RUNX1: variants seen among roughly 807,000 people sequenced by gnomAD.
RUNX1 encodes RUNX family transcription factor 1.
Under a neutral mutation model 42.8 loss-of-function variants are expected in RUNX1, and 19 were observed. The observed-to-expected ratio is 0.44, with a 90% confidence interval of 0.31 to 0.65. RUNX1 has a LOEUF of 0.65. Ranked by LOEUF, RUNX1 falls within the 30% of genes least tolerant of loss-of-function variation. RUNX1 has a pLI of 0.07. For synonymous variants in RUNX1, 271 were observed against 289.4 expected (o/e 0.94, Z 0.64); for missense variants, 528 against 672.0 (o/e 0.79, Z 2.37).
intron 4 of RUNX1, among the ~76,000 whole-genome samples, chr21:34,882,649 G>A (rs931544165): frequency 9.9e-5 from 15 of 151,082 alleles, no homozygotes; most frequent in African/African-American, 3.6e-4. Flanking sequence ...AAGATATCAC[G>A]GAAATAAATC....
chr21:34,922,335 C>T (rs2058360403), intron 2 of RUNX1, among the ~76,000 whole-genome samples: 1 of 152,108 alleles, frequency 6.6e-6, no homozygotes, highest in South Asian at 2.1e-4. Context: ...CATCCCTGGG[C>T]TAGGAACTTG....
At chr21:34,860,314 T>C (rs1265247477) in intron 5 of RUNX1, among the ~76,000 whole-genome samples, 4 of 152,244 alleles carry the variant, frequency 2.6e-5, no homozygotes, top group Admixed American at 6.5e-5. Context: ...TCTAAAAACA[T>C]TTCTTGTTGG....
rs1376894886 is a variant in RUNX1, at chr21:34,799,440, G to T, written c.828C>A (p.Ser276=). The T allele has an allele frequency of 1.9e-6, 3 of 1,614,096 alleles. No homozygotes were observed. The Admixed American group carries it at 5.0e-5, about 27-fold the overall frequency. Residue 276 remains serine (S), a synonymous_variant, in exon 8 of 9, where the codon TCC becomes TCA. Transcript: ENST00000675419. ...QMQDTRQIQP[S]PPWSYDQSYQ... ...AGGACTGATCGTAGGACCACGGTGG[G>T]GATGGTTGGATCTGCCTTGTATCTG...
intron 2 of RUNX1, among the ~76,000 whole-genome samples, chr21:35,034,456 C>T (rs1011495385): frequency 7.2e-5 from 11 of 152,172 alleles, no homozygotes; most frequent in South Asian, 6.2e-4. Flanking sequence ...GGGTCAAACC[C>T]GCCACATCAT....
intron 5 of RUNX1, among the ~76,000 whole-genome samples, chr21:34,867,398 C>G (rs1227231580): frequency 6.6e-6 from 1 of 152,168 alleles, no homozygotes; most frequent in African/African-American, 2.4e-5. Context: ...CGAGATCACG[C>G]CACTGCACTC....
intron 2 of RUNX1, among the ~76,000 whole-genome samples, chr21:34,967,659 C>A (rs1157171312): frequency 6.6e-6 from 1 of 152,130 alleles, no homozygotes; most frequent in Non-Finnish European, 1.5e-5. Flanking sequence ...AATGACGAGG[C>A]CTGAGGTGAT....
intron 3 of RUNX1, chr21:34,888,132 G>C (rs941487677): frequency 6.2e-5 from 66 of 1,066,234 alleles, no homozygotes; most frequent in African/African-American, 9.8e-5. Flanking sequence ...GTCTACATCA[G>C]CTGGGTGACT....
At chr21:35,022,925 G>A (rs1042559436) in intron 2 of RUNX1, among the ~76,000 whole-genome samples, 3 of 88,474 alleles carry the variant, frequency 3.4e-5, no homozygotes, top group Non-Finnish European at 8.3e-5. Context: ...ATAATAAGGC[G>A]GAGATTATTT....
intron 6 of RUNX1, among the ~76,000 whole-genome samples, chr21:34,844,062 G>A (rs531460664): frequency 3.3e-5 from 5 of 152,184 alleles, no homozygotes; most frequent in African/African-American, 1.2e-4. Flanking sequence ...ACCCTCCCTA[G>A]GTTAAGGTCT....
rs146661050 is a variant in RUNX1, at chr21:34,902,568, T to C, written c.59-9605A>G. Among the ~76,000 whole-genome samples, 535 of 152,326 alleles carry C rather than the reference T, an allele frequency of 3.5e-3. 4 individuals carry two copies. The highest frequency in any genetic ancestry group is 0.012 in the African/African-American group (500 of 41,582). Reference sequence around the variant, plus strand: ...AAATATATTATCTTCAAATGATAGCTAGGTAATCATTCACTCAGATTCCAA... The same window carrying C: ...AAATATATTATCTTCAAATGATAGCCAGGTAATCATTCACTCAGATTCCAA... On this transcript the variant is annotated intron_variant, in intron 2 of 8. Coordinates refer to ENST00000675419, the MANE Select transcript of RUNX1 (RefSeq NM_001754.5).
At position 34,792,169 on chromosome 21, in the gene RUNX1, G is replaced by A. The variant is rs1601331921; in HGVS notation, c.1409C>T (p.Ala470Val). 1 of 1,522,802 alleles carries A rather than the reference G, an allele frequency of 6.6e-7. No individual in the cohort carries two copies. The highest frequency in any genetic ancestry group is 2.4e-5 in the East Asian group (1 of 40,860). 94.3% of individuals were successfully genotyped at this position (1,522,802 alleles called of 1,614,324 possible). A position where few individuals can be genotyped will look rare whatever the true frequency, so the allele number is the denominator to read the frequency against. The stretch of plus-strand genomic sequence containing the variant: ...CCTCCACACGGCCTCCTCCAGGCGC[G>A]CGGAGGGCGCCATGTTGGTGGGGGA... ...SNSPTNMAPSARLEEAVWRPY is the reference protein window; with the variant it reads ...SNSPTNMAPSVRLEEAVWRPY The change falls in exon 9 of 9, where the codon GCG becomes GTG. Residue 470 changes from alanine to valine, a missense_variant. By Grantham distance (64) the Ala-to-Val change is moderately conservative. Coordinates refer to ENST00000675419, the MANE Select transcript of RUNX1 (RefSeq NM_001754.5). The surrounding 1 kb of genome is among the most constrained non-coding windows in gnomAD (Gnocchi z 6.9).
chr21:34,950,950 T>A (rs889367526), intron 2 of RUNX1, among the ~76,000 whole-genome samples: 1 of 152,242 alleles, frequency 6.6e-6, no homozygotes, highest in Non-Finnish European at 1.5e-5. Context: ...AAATCCTTTA[T>A]TGACATTTAG....
At chr21:34,992,215 C>A (rs774734756) in intron 2 of RUNX1, among the ~76,000 whole-genome samples, 2 of 152,234 alleles carry the variant, frequency 1.3e-5, no homozygotes, top group Non-Finnish European at 2.9e-5. Flanking sequence ...ACAGAGCCAG[C>A]AGGCCTGCTT....
intron 8 of RUNX1, among the ~76,000 whole-genome samples, chr21:34,798,880 T>C (rs1406826517): frequency 1.3e-5 from 2 of 152,176 alleles, no homozygotes; most frequent in African/African-American, 4.8e-5. Flanking sequence ...GCTGTATTTA[T>C]TTCCCATTCC....
intron 2 of RUNX1, among the ~76,000 whole-genome samples, chr21:34,908,652 T>C (rs1174607120): frequency 1.3e-5 from 2 of 152,220 alleles, no homozygotes; most frequent in African/African-American, 2.4e-5. Context: ...ACTATCTTTT[T>C]GTGCTGAAGC....
rs975604345 is a variant in RUNX1 at position 34,875,138 on chromosome 21, C to T, written c.508+5419G>A. ...AAGAAAACTATGAAGGGATCAACTGCGAAACTGCCTGTTGCAAGCACAAGC... is the reference window on the plus strand; with the variant it reads ...AAGAAAACTATGAAGGGATCAACTGTGAAACTGCCTGTTGCAAGCACAAGC... On this transcript the variant is annotated intron_variant, in intron 5 of 8. Transcript: ENST00000675419. 4.6e-5 allele frequency among the ~76,000 whole-genome samples: 7 copies of T among 152,244 alleles called. No homozygotes were observed. The East Asian group carries it at 5.8e-4, about 13-fold the overall frequency.
intron 2 of RUNX1, among the ~76,000 whole-genome samples, chr21:34,946,999 C>T (rs764567515): frequency 1.3e-5 from 2 of 152,124 alleles, no homozygotes; most frequent in African/African-American, 2.4e-5. Context: ...TTACAGACCA[C>T]CTCAAAGGCC....
intron 2 of RUNX1, among the ~76,000 whole-genome samples, chr21:35,005,261 A>G (rs1451634838): frequency 6.6e-6 from 1 of 152,142 alleles, no homozygotes. Context: ...TTTACTCAGT[A>G]AAGACCCCCA....
chr21:34,949,017 G>A (rs943035983), intron 2 of RUNX1, among the ~76,000 whole-genome samples: 4 of 152,148 alleles, frequency 2.6e-5, no homozygotes, highest in African/African-American at 9.7e-5. Context: ...GCCTCCCAAA[G>A]TGCTGGGATT....
Sources: allele counts gnomAD v4.1 joint callset (sites outside exome capture counted in the v4.1 genomes callset), GRCh38; gene constraint gnomAD v4.1.1; non-coding constraint Gnocchi (gnomAD v3.1); transcripts MANE v1.5; gene names NCBI Gene and HGNC (gene_info 2026-07-23, HGNC 2026-07-21).